Variants in OSBPL8 observed in about 807,000 individuals in gnomAD.
The protein encoded by OSBPL8 is oxysterol binding protein like 8.
OSBPL8 carries 59 observed loss-of-function variants against 125.5 expected under a neutral mutation model. The ratio of observed to expected loss-of-function variants is 0.47; its 90% CI spans 0.38 to 0.58. The LOEUF (loss-of-function observed/expected upper bound fraction) is 0.58, where lower values mean the gene tolerates loss of function less well. Among genes scored for constraint, OSBPL8 ranks in the 20% least tolerant of loss-of-function variants. The pLI is 0.00. For missense variants in OSBPL8, 758 were observed against 1,047.8 expected, an observed-to-expected ratio of 0.72 and a Z score of 3.82; for synonymous variants, 330 against 338.9, an observed-to-expected ratio of 0.97 and a Z score of 0.29.
At chr12:76,357,535 A>G (rs7980549) in intron 22 of OSBPL8, among the ~76,000 whole-genome samples, 119,266 of 152,076 alleles carry the variant, frequency 0.78, 46,963 homozygotes, top group East Asian at 0.92. Flanking sequence ...TACAACCAAT[A>G]CTCTCTTCTA....
intron 4 of OSBPL8, among the ~76,000 whole-genome samples, chr12:76,440,235 A>G (rs1872013074): frequency 6.6e-6 from 1 of 152,138 alleles, no homozygotes; most frequent in African/African-American, 2.4e-5. Context: ...TGCAGACTTT[A>G]TACAGCTGCA....
intron 1 of OSBPL8, among the ~76,000 whole-genome samples, chr12:76,523,920 T>C (rs1373047447): frequency 6.6e-6 from 1 of 152,178 alleles, no homozygotes; most frequent in African/African-American, 2.4e-5. Context: ...ATTATGAATA[T>C]GACAAATCTT....
chr12:76,439,170 G>A (rs1871868616), intron 4 of OSBPL8, among the ~76,000 whole-genome samples: 1 of 152,150 alleles, frequency 6.6e-6, no homozygotes, highest in South Asian at 2.1e-4. Context: ...CACGAGGTCA[G>A]GAGTTCGACA....
At chr12:76,529,367 G>A (rs1349725981) in intron 1 of OSBPL8, among the ~76,000 whole-genome samples, 1 of 151,976 alleles carries the variant, frequency 6.6e-6, no homozygotes, top group Admixed American at 6.6e-5. Flanking sequence ...TTGGTGAGTG[G>A]ATTTGTAGAA....
chr12:76,544,168 G>T (rs1194544272), intron 1 of OSBPL8, among the ~76,000 whole-genome samples: 1 of 152,130 alleles, frequency 6.6e-6, no homozygotes, highest in African/African-American at 2.4e-5. Flanking sequence ...AACAATTTTG[G>T]AACTCCTCTT....
At chr12:76,440,614 T>C (rs544456378) in intron 4 of OSBPL8, among the ~76,000 whole-genome samples, 98 of 152,242 alleles carry the variant, frequency 6.4e-4, no homozygotes, top group Admixed American at 1.8e-3. Context: ...GTGTTTAGAA[T>C]TTCTCAAGGA....
intron 21 of OSBPL8, among the ~76,000 whole-genome samples, chr12:76,361,068 G>A (rs1468121138): frequency 6.6e-6 from 1 of 152,170 alleles, no homozygotes; most frequent in Non-Finnish European, 1.5e-5. Context: ...CTGAAAAAAT[G>A]GGTTTTTCTT....
chr12:76,404,657 GTAAA>G (rs1443084579), intron 5 of OSBPL8, among the ~76,000 whole-genome samples: 2 of 152,056 alleles, frequency 1.3e-5, no homozygotes, highest in African/African-American at 2.4e-5. Flanking sequence ...TTAATAAACA[GTAAA>G]TATACTTTCT....
At chr12:76,526,225 A>T (rs1950166428) in intron 1 of OSBPL8, among the ~76,000 whole-genome samples, 1 of 152,230 alleles carries the variant, frequency 6.6e-6, no homozygotes, top group Non-Finnish European at 1.5e-5. Flanking sequence ...GGAGGAGAAA[A>T]CAGATGTATA....
At position 76,409,445 on chromosome 12, in the gene OSBPL8, G is replaced by T. The variant is rs140523103; in HGVS notation, c.288+1119C>A. Among the ~76,000 whole-genome samples, 17 of 152,226 alleles carry T rather than the reference G, an allele frequency of 1.1e-4. No individual in the cohort carries two copies. The East Asian group carries it at 2.1e-3, about 19-fold the overall frequency. ...TCAAACCAAAGCATATAAATACACAGATTTCCCTGTTCTTTTGGGTCTTCA... is the reference window on the plus strand; with the variant it reads ...TCAAACCAAAGCATATAAATACACATATTTCCCTGTTCTTTTGGGTCTTCA... On this transcript the variant is annotated intron_variant, in intron 5 of 23. Coordinates refer to ENST00000261183, the MANE Select transcript of OSBPL8 (RefSeq NM_020841.5).
chr12:76,516,497 A>C (rs1376342778), intron 1 of OSBPL8, among the ~76,000 whole-genome samples: 1 of 152,190 alleles, frequency 6.6e-6, no homozygotes, highest in Non-Finnish European at 1.5e-5. Context: ...AGACAGACTA[A>C]CCAGAGAAAA....
At chr12:76,380,072 A>C (rs1952979595) in intron 15 of OSBPL8, among the ~76,000 whole-genome samples, 1 of 152,188 alleles carries the variant, frequency 6.6e-6, no homozygotes, top group South Asian at 2.1e-4. Flanking sequence ...AGGCAGTGAA[A>C]GACCTTTCTT....
chr12:76,455,742 C>T (rs899052046), intron 3 of OSBPL8, among the ~76,000 whole-genome samples: 1 of 152,196 alleles, frequency 6.6e-6, no homozygotes, highest in Non-Finnish European at 1.5e-5. Context: ...TGATTTCCTA[C>T]ATCAGTTACA....
intron 4 of OSBPL8, among the ~76,000 whole-genome samples, chr12:76,424,177 T>C (rs1329447784): frequency 6.6e-6 from 1 of 152,006 alleles, no homozygotes; most frequent in East Asian, 1.9e-4. Context: ...ATTTTTGTAT[T>C]TTTAGTAGAG....
chr12:76,539,736 C>T (rs1171255145), intron 1 of OSBPL8, among the ~76,000 whole-genome samples: 2 of 152,306 alleles, frequency 1.3e-5, no homozygotes, highest in South Asian at 4.1e-4. Flanking sequence ...TGGTCTCATA[C>T]CAATGGCTAC....
intron 1 of OSBPL8, among the ~76,000 whole-genome samples, chr12:76,519,519 A>G (rs1009046276): frequency 5.3e-5 from 8 of 152,146 alleles, no homozygotes; most frequent in Non-Finnish European, 1.0e-4. Context: ...CCACATCTTC[A>G]GGTATCTTTA....
Position 76,473,256 on chromosome 12 carries a change from A to T in OSBPL8, c.43-13361T>A, listed in dbSNP as rs564064903. On this transcript the variant is annotated intron_variant, in intron 2 of 23. Transcript: ENST00000261183. The stretch of plus-strand genomic sequence containing the variant: ...CAAACTAATGATTAATGATATTCAT[A>T]TATCATTATGTCTATGATCTAGATC... Among the ~76,000 whole-genome samples the T allele has an allele frequency of 1.3e-3, 204 of 152,260 alleles. 2 individuals carry two copies. The highest frequency in any genetic ancestry group is 4.7e-3 in the African/African-American group (195 of 41,544).
chr12:76,499,304 C>CTCTATCTATCTATCTATCTATCTA (rs1555231510), intron 1 of OSBPL8, among the ~76,000 whole-genome samples: 82 of 128,086 alleles, frequency 6.4e-4, no homozygotes, highest in East Asian at 1.1e-3. Flanking sequence ...ACTTAATAAA[C>CTCTATCTATCTATCTATCTATCTA]TCTATCTATC....
intron 2 of OSBPL8, among the ~76,000 whole-genome samples, chr12:76,477,803 A>G (rs1457754177): frequency 6.6e-6 from 1 of 152,162 alleles, no homozygotes; most frequent in Admixed American, 6.6e-5. Context: ...TGGGAACTCT[A>G]TTATCTTTAC....
Sources: gnomAD v4.1 joint callset for allele counts (sites outside exome capture counted in the v4.1 genomes callset) on GRCh38, gnomAD v4.1.1 for gene constraint, MANE v1.5 for transcripts, NCBI Gene and HGNC (gene_info 2026-07-23, HGNC 2026-07-21) for gene names.